AGAP1: variants seen among roughly 807,000 people sequenced by gnomAD.
AGAP1 encodes ArfGAP with GTPase domain, ankyrin repeat and PH domain 1, also known as arf-GAP with GTPase, ANK repeat and PH domain-containing protein 1.
Under a neutral mutation model 105.3 loss-of-function variants are expected in AGAP1, and 29 were observed. The observed-to-expected ratio is 0.28, with a 90% CI of 0.21 to 0.38. The LOEUF is 0.38. Among genes scored for constraint, AGAP1 ranks in the 10% least tolerant of loss-of-function variants. The pLI, the probability that AGAP1 is intolerant of heterozygous loss-of-function variation, is 1.00. For missense variants in AGAP1, 998 were observed against 1,165.1 expected (o/e 0.86, Z 2.09); for synonymous variants, 509 against 485.9 (o/e 1.05, Z -0.63).
At chr2:236,034,905 A>T (rs2057333410) in intron 13 of AGAP1, among the ~76,000 whole-genome samples, 1 of 152,074 alleles carries the variant, frequency 6.6e-6, no homozygotes, top group South Asian at 2.1e-4. Context: ...CACCCCTGGG[A>T]GTGGGGCTTG....
intron 1 of AGAP1, among the ~76,000 whole-genome samples, chr2:235,628,741 C>A (rs968927606): frequency 6.6e-6 from 1 of 152,054 alleles, no homozygotes; most frequent in Non-Finnish European, 1.5e-5. Flanking sequence ...GTACACTGCA[C>A]CCTATTTGTA....
intron 1 of AGAP1, among the ~76,000 whole-genome samples, chr2:235,520,543 G>A (rs545764935): frequency 2.0e-5 from 3 of 152,256 alleles, no homozygotes; most frequent in East Asian, 1.9e-4. Flanking sequence ...CTTTCTGGGC[G>A]GGTCTGTGTG....
At chr2:235,560,641 C>T (rs1944117439) in intron 1 of AGAP1, among the ~76,000 whole-genome samples, 1 of 152,122 alleles carries the variant, frequency 6.6e-6, no homozygotes, top group Non-Finnish European at 1.5e-5. Context: ...TGGAGGGAGG[C>T]TACCAGCCAA....
intron 11 of AGAP1, among the ~76,000 whole-genome samples, chr2:235,917,688 C>T (rs915933114): frequency 6.6e-6 from 1 of 152,090 alleles, no homozygotes; most frequent in Admixed American, 6.5e-5. Flanking sequence ...TTGCTGCTCC[C>T]GGAGATTAAT....
chr2:236,015,638 C>T (rs796708167), intron 13 of AGAP1, among the ~76,000 whole-genome samples: 7 of 152,126 alleles, frequency 4.6e-5, no homozygotes, highest in African/African-American at 1.4e-4. Flanking sequence ...TCAGCCCAAG[C>T]GCACATAAGG....
At position 235,970,584 on chromosome 2, in the gene AGAP1, T is replaced by C. The variant is rs2054602342; in HGVS notation, c.1645+1961T>C. On this transcript the variant is annotated intron_variant, in intron 13 of 17. Coordinates refer to ENST00000304032, the MANE Select transcript of AGAP1 (RefSeq NM_001037131.3). This position sits in a 1 kb window ranked among gnomAD's most constrained non-coding sequence, Gnocchi z 5.4. ...CAGGCACGCGTCTTCTTGCATTTGT[T>C]GTGTGTTTCCAACCGAGGTCTGTGG... 6.6e-6 allele frequency among the ~76,000 whole-genome samples: 1 copy of C among 152,218 alleles called. No individual in the cohort carries two copies. The highest frequency in any genetic ancestry group is 2.4e-5 in the African/African-American group (1 of 41,450).
rs551512534 is a variant in AGAP1, at chr2:236,019,551, C to T, written c.1646-17010C>T. On this transcript the variant is annotated intron_variant, in intron 13 of 17. Transcript: ENST00000304032. ...CTCCTTGTTTTATAAAAGAAGAAACCGAGCCTGGGAGAAGGGCAGGCATCA... is the reference window on the plus strand; with the variant it reads ...CTCCTTGTTTTATAAAAGAAGAAACTGAGCCTGGGAGAAGGGCAGGCATCA... Among the ~76,000 whole-genome samples the T allele has an allele frequency of 7.2e-5, 11 of 152,308 alleles. No homozygotes were observed. The South Asian group carries it at 2.1e-3, about 29-fold the overall frequency.
intron 1 of AGAP1, among the ~76,000 whole-genome samples, chr2:235,530,345 G>A (rs1942998819): frequency 6.6e-6 from 1 of 152,172 alleles, no homozygotes; most frequent in African/African-American, 2.4e-5. Flanking sequence ...AGTTACAAGG[G>A]CTTTCACGGG....
rs1185574323 is a variant in AGAP1, at chr2:236,045,218, G to GT, written c.1892-3833dup. Among the ~76,000 whole-genome samples, 3 of 152,002 alleles carry GT rather than the reference G, an allele frequency of 2.0e-5. No homozygotes were observed. Among genetic ancestry groups the GT allele is most frequent in the Non-Finnish European group, 2.9e-5 (2 of 67,988 alleles). Reference sequence around the variant, plus strand: ...GGCAGGAGCCACTGTGCTGGGCCTAGTTTTTTTTATTTTTTCCTGCTTGGT... The same window carrying GT: ...GGCAGGAGCCACTGTGCTGGGCCTAGTTTTTTTTTATTTTTTCCTGCTTGGT... On this transcript the variant is annotated intron_variant, in intron 15 of 17. Coordinates refer to ENST00000304032, the MANE Select transcript of AGAP1 (RefSeq NM_001037131.3). The surrounding 1 kb of genome is among the most constrained non-coding windows in gnomAD (Gnocchi z 6.9).
intron 1 of AGAP1, among the ~76,000 whole-genome samples, chr2:235,697,972 C>T (rs1488302572): frequency 6.6e-6 from 1 of 152,156 alleles, no homozygotes; most frequent in Non-Finnish European, 1.5e-5. Context: ...TCGAAATTAT[C>T]TTTTAATACA....
intron 9 of AGAP1, among the ~76,000 whole-genome samples, chr2:235,827,830 G>A (rs1400189667): frequency 2.0e-5 from 3 of 152,226 alleles, no homozygotes; most frequent in East Asian, 3.9e-4. Flanking sequence ...AGGGGTGGCT[G>A]CCTTCACTCT....
rs189264087 is a variant in AGAP1, at chr2:235,866,824, G to A, written c.1051-16521G>A. ...ACGTGGTCTTTCTCCGTGAGTGTCTGTGTCCTGATCTTTTCTAATAAGGAC... is the reference window on the plus strand; with the variant it reads ...ACGTGGTCTTTCTCCGTGAGTGTCTATGTCCTGATCTTTTCTAATAAGGAC... On this transcript the variant is annotated intron_variant, in intron 9 of 17. Transcript: ENST00000304032. The surrounding 1 kb of genome is among the most constrained non-coding windows in gnomAD (Gnocchi z 6.1). 1.5e-3 allele frequency among the ~76,000 whole-genome samples: 234 copies of A among 152,280 alleles called. No homozygotes were observed. The highest frequency in any genetic ancestry group is 2.8e-3 in the Non-Finnish European group (188 of 68,038).
At chr2:235,686,860 T>A (rs1376773566) in intron 1 of AGAP1, among the ~76,000 whole-genome samples, 1 of 150,644 alleles carries the variant, frequency 6.6e-6, no homozygotes, top group Non-Finnish European at 1.5e-5. Context: ...GATGAGGTCT[T>A]ACTGTGCTGC....
rs1947909403 is a variant in AGAP1 at position 235,660,401 on chromosome 2, A to G, written c.164-48778A>G. On this transcript the variant is annotated intron_variant, in intron 1 of 17. Coordinates refer to ENST00000304032, the MANE Select transcript of AGAP1 (RefSeq NM_001037131.3). The surrounding 1 kb of genome is among the most constrained non-coding windows in gnomAD (Gnocchi z 5.3). The stretch of plus-strand genomic sequence containing the variant: ...GCACTGATTAAGTCAACCATCAAGC[A>G]GCATTTATTAAGTAGAACATTGATA... 6.6e-6 allele frequency among the ~76,000 whole-genome samples: 1 copy of G among 152,194 alleles called. No individual in the cohort carries two copies. The highest frequency in any genetic ancestry group is 6.5e-5 in the Admixed American group (1 of 15,284).
At chr2:235,579,296 C>A (rs113953382) in intron 1 of AGAP1, among the ~76,000 whole-genome samples, 8 of 152,152 alleles carry the variant, frequency 5.3e-5, no homozygotes, top group African/African-American at 9.7e-5. Context: ...CCTGGTGTGA[C>A]GTAACCTTTC....
rs552340107 is a variant in AGAP1, at chr2:235,671,132, G to A, written c.164-38047G>A. ...CTTGCCGGTTCCGCAGCGGCTATGG[G>A]ACCCGCCCTCCCGGGTCGGGAGCCT... On this transcript the variant is annotated intron_variant, in intron 1 of 17. Transcript: ENST00000304032. The A allele has an allele frequency of 6.5e-6, 8 of 1,232,136 alleles. No individual in the cohort carries two copies. The African/African-American group carries it at 1.1e-4, about 17-fold the overall frequency. 76.3% of individuals were successfully genotyped at this position (1,232,136 alleles called of 1,614,324 possible).
At chr2:235,758,163 T>C (rs1954092284) in intron 6 of AGAP1, among the ~76,000 whole-genome samples, 1 of 152,038 alleles carries the variant, frequency 6.6e-6, no homozygotes, top group East Asian at 1.9e-4. Context: ...TGTGTATATG[T>C]GTGTTAGCGA....
chr2:235,954,355 G>A (rs967991667), intron 12 of AGAP1, among the ~76,000 whole-genome samples: 3 of 151,954 alleles, frequency 2.0e-5, no homozygotes, highest in East Asian at 3.9e-4. Context: ...GCTGGGAAGA[G>A]AGGCTGCCTC....
intron 1 of AGAP1, among the ~76,000 whole-genome samples, chr2:235,626,729 T>C (rs564808753): frequency 1.3e-5 from 2 of 152,374 alleles, no homozygotes; most frequent in South Asian, 4.1e-4. Flanking sequence ...TAAAAAGTTT[T>C]AGTGCACTTT....
Sources: allele counts gnomAD v4.1 joint callset (sites outside exome capture counted in the v4.1 genomes callset), GRCh38; gene constraint gnomAD v4.1.1; non-coding constraint Gnocchi (gnomAD v3.1); transcripts MANE v1.5; gene names NCBI Gene and HGNC (gene_info 2026-07-23, HGNC 2026-07-21).